Variants in SS18L1 observed in about 807,000 individuals in gnomAD.
The protein encoded by SS18L1 is calcium-responsive transactivator.
In SS18L1, 32 loss-of-function variants were observed where a neutral mutation model predicts 70.3. The ratio of observed to expected loss-of-function variants is 0.46; its 90% CI spans 0.34 to 0.61. The LOEUF is 0.61. SS18L1 is among the 20% of genes least tolerant of loss of function. The pLI is 0.01. For synonymous variants in SS18L1, 237 were observed against 229.7 expected (o/e 1.03, Z -0.29); for missense variants, 430 against 542.1 (o/e 0.79, Z 2.05).
At chr20:62,155,003 G>A (rs2057197282) in intron 1 of SS18L1, among the ~76,000 whole-genome samples, 1 of 152,250 alleles carries the variant, frequency 6.6e-6, no homozygotes, top group Admixed American at 6.5e-5. Context: ...TGCCCCCTCT[G>A]TTGTTTCTAA....
chr20:62,176,233 C>T (rs1186685253), intron 10 of SS18L1, among the ~76,000 whole-genome samples: 7 of 152,200 alleles, frequency 4.6e-5, no homozygotes, highest in South Asian at 2.1e-4. Flanking sequence ...ATGAAAAGAC[C>T]GTGACCGGTC....
At chr20:62,169,589 G>GA in intron 8 of SS18L1, among the ~76,000 whole-genome samples, 1 of 152,162 alleles carries the variant, frequency 6.6e-6, no homozygotes, top group East Asian at 1.9e-4. Flanking sequence ...GACTAGCCTG[G>GA]CCACCATGGT....
Position 62,174,390 on chromosome 20 carries a change from G to A in SS18L1, c.1037-127G>A. The stretch of plus-strand genomic sequence containing the variant: ...CCAGGTGTTCTGGAGATTGACAAAA[G>A]GCTGATGCATTGAGACGGGAATTTT... On this transcript the variant is annotated intron_variant, in intron 9 of 10. Coordinates refer to ENST00000331758, the MANE Select transcript of SS18L1 (RefSeq NM_198935.3). The surrounding 1 kb of genome is among the most constrained non-coding windows in gnomAD (Gnocchi z 4.1). The A allele has an allele frequency of 1.4e-6, 2 of 1,440,846 alleles. No individual in the cohort carries two copies. Among genetic ancestry groups the A allele is most frequent in the East Asian group, 2.5e-5 (1 of 40,202 alleles). 89.3% of individuals were successfully genotyped at this position (1,440,846 alleles called of 1,614,324 possible). A position where few individuals can be genotyped will look rare whatever the true frequency, so the allele number is the denominator to read the frequency against.
intron 1 of SS18L1, among the ~76,000 whole-genome samples, chr20:62,147,521 A>G (rs1600984532): frequency 6.6e-6 from 1 of 152,144 alleles, no homozygotes; most frequent in East Asian, 1.9e-4. Flanking sequence ...GCTGCTTGGC[A>G]TGCAGTAATT....
intron 8 of SS18L1, among the ~76,000 whole-genome samples, chr20:62,166,245 G>T (rs2057428409): frequency 6.6e-6 from 1 of 152,228 alleles, no homozygotes; most frequent in Non-Finnish European, 1.5e-5. Flanking sequence ...GGGAGGGAAG[G>T]CGGGCCTGCA....
At chr20:62,160,329 A>AGGTGG (rs1187820467) in intron 3 of SS18L1, among the ~76,000 whole-genome samples, 1 of 41,156 alleles carries the variant, frequency 2.4e-5, no homozygotes, top group Non-Finnish European at 4.2e-5. Flanking sequence ...AGGTGGAGAG[A>AGGTGG]GGTGGGGTGG....
chr20:62,146,604 C>CTTTTTTTTTTTTTTTTTTTTTTT (rs1339898731), intron 1 of SS18L1, among the ~76,000 whole-genome samples: 16 of 34,134 alleles, frequency 4.7e-4, no homozygotes, highest in African/African-American at 1.5e-3. Context: ...CTGCTTTGAT[C>CTTTTTTTTTTTTTTTTTTTTTTT]ATTTTTTTTT....
intron 1 of SS18L1, 80 bp downstream of exon 1, chr20:62,143,969 G>A (rs1430589673): frequency 2.0e-5 from 18 of 880,242 alleles, no homozygotes; most frequent in South Asian, 5.0e-5. Flanking sequence ...GGCAGCTGGC[G>A]GGCGCGGGGC....
Position 62,163,541 on chromosome 20 carries a change from A to G in SS18L1, c.640A>G (p.Ile214Val), listed in dbSNP as rs934470873. Residue 214 changes from isoleucine to valine, a missense_variant, in exon 6 of 11, where the codon ATC becomes GTC. Physicochemically the swap from Ile to Val is conservative, Grantham distance 29 (BLOSUM62 3). Coordinates refer to ENST00000331758, the MANE Select transcript of SS18L1 (RefSeq NM_198935.3). ...GSQHYQGQSS[I>V]AMMGQGSQGS... ...CCAGCACTACCAGGGCCAGTCGTCCATCGCCATGATGGGGCAGGGCAGCCA... is the reference window on the plus strand; with the variant it reads ...CCAGCACTACCAGGGCCAGTCGTCCGTCGCCATGATGGGGCAGGGCAGCCA... The G allele has an allele frequency of 5.0e-6, 8 of 1,611,534 alleles. No homozygotes were observed. The highest frequency in any genetic ancestry group is 3.3e-5 in the Admixed American group (2 of 59,984).
Position 62,181,201 on chromosome 20 carries a change from C to G in SS18L1, c.*1993C>G. ...TTGTAGGCACTAAGGGTTTCTAAAA[C>G]CCTTAACACTGGTAAGGGCTCAAAA... is the stretch of plus-strand genomic sequence containing the variant. On this transcript the variant is annotated 3_prime_UTR_variant, in exon 11 of 11. Transcript: ENST00000331758. The G allele has an allele frequency of 5.0e-6, 1 of 199,526 alleles. No homozygotes were observed. Among genetic ancestry groups the G allele is most frequent in the Non-Finnish European group, 1.0e-5 (1 of 96,658 alleles). 12.4% of individuals were successfully genotyped at this position (199,526 alleles called of 1,614,324 possible). A position where few individuals can be genotyped will look rare whatever the true frequency, so the allele number is the denominator to read the frequency against.
At chr20:62,178,413 A>G (rs912474508) in intron 10 of SS18L1, among the ~76,000 whole-genome samples, 1 of 150,728 alleles carries the variant, frequency 6.6e-6, no homozygotes, top group African/African-American at 2.4e-5. Context: ...TCGGCCTCCC[A>G]AAGTGCTGGG....
At chr20:62,148,087 G>C (rs952702059) in intron 1 of SS18L1, among the ~76,000 whole-genome samples, 1 of 152,206 alleles carries the variant, frequency 6.6e-6, no homozygotes, top group Non-Finnish European at 1.5e-5. Flanking sequence ...TTCCTCCTGC[G>C]ATCAGAGGCT....
rs377486890 is a variant in SS18L1 at position 62,164,209 on chromosome 20, C to T, written c.786C>T (p.Gly262=). The change falls in exon 7 of 11, where the codon GGC becomes GGT. Residue 262 remains glycine (G), a synonymous_variant. Transcript: ENST00000331758. ...YYGEQYSHSQ[G]AAEPMGQQYY... ...GCGAGCAGTACAGCCACAGCCAGGG[C>T]GCCGCGGAGCCCATGGGCCAGCAGT... 48 of 1,549,714 alleles carry T rather than the reference C, an allele frequency of 3.1e-5. No homozygotes were observed. Among genetic ancestry groups the T allele is most frequent in the South Asian group, 4.8e-5 (4 of 84,010 alleles).
intron 1 of SS18L1, among the ~76,000 whole-genome samples, chr20:62,155,619 C>T (rs142864609): frequency 1.5e-3 from 230 of 152,312 alleles, no homozygotes; most frequent in African/African-American, 5.1e-3. Flanking sequence ...TCTTTCCCTT[C>T]AGTGCCCAAG....
rs955033997 is a variant in SS18L1 at position 62,179,261 on chromosome 20, G to A, written c.*53G>A. On this transcript the variant is annotated 3_prime_UTR_variant, in exon 11 of 11. Transcript: ENST00000331758. Reference sequence around the variant, plus strand: ...GTGGTAGCGTGTTCATCCAGGGGCCGGATGGGCTGGCGGCAGCTCTGGTGA... The same window carrying A: ...GTGGTAGCGTGTTCATCCAGGGGCCAGATGGGCTGGCGGCAGCTCTGGTGA... 3.2e-5 allele frequency: 51 copies of A among 1,606,422 alleles called. No homozygotes were observed. The highest frequency in any genetic ancestry group is 1.8e-4 in the Admixed American group (11 of 59,936).
intron 1 of SS18L1, among the ~76,000 whole-genome samples, chr20:62,155,025 T>C (rs892808243): frequency 6.6e-6 from 1 of 152,218 alleles, no homozygotes; most frequent in African/African-American, 2.4e-5. Context: ...TGGCATCATC[T>C]TCTTTTCTGG....
In SS18L1 at chr20:62,151,584, G is replaced by C. The variant is rs192734307; in HGVS notation, c.70-7088G>C. On this transcript the variant is annotated intron_variant, in intron 1 of 10. Transcript: ENST00000331758. Reference sequence around the variant, plus strand: ...CCCAGCTGCCCCAGCCACGAGCCCAGCCAAGCCCAGCAGAAGATCCTCCGA... The same window carrying C: ...CCCAGCTGCCCCAGCCACGAGCCCACCCAAGCCCAGCAGAAGATCCTCCGA... 3.6e-3 allele frequency among the ~76,000 whole-genome samples: 552 copies of C among 152,314 alleles called. 4 individuals are homozygous for C. The highest frequency in any genetic ancestry group is 5.8e-3 in the Non-Finnish European group (396 of 68,034).
Position 62,163,506 on chromosome 20 carries a change from A to C in SS18L1, c.605A>C (p.Gln202Pro), listed in dbSNP as rs949988077. The C allele has an allele frequency of 1.2e-6, 2 of 1,611,982 alleles. No individual in the cohort carries two copies. Among genetic ancestry groups the C allele is most frequent in the Admixed American group, 1.7e-5 (1 of 59,986 alleles). ...GCCACGTCGCACTACAGCTCGGCGC[A>C]GGGCGGCAGCCAGCACTACCAGGGC... is the stretch of plus-strand genomic sequence containing the variant. ...QAATSHYSSA[Q>P]GGSQHYQGQS... The change falls in exon 6 of 11, where the codon CAG becomes CCG. Residue 202 changes from glutamine to proline, a missense_variant. Coordinates refer to ENST00000331758, the MANE Select transcript of SS18L1 (RefSeq NM_198935.3).
Position 62,163,494 on chromosome 20 carries a change from A to G in SS18L1, c.593A>G (p.Tyr198Cys). Residue 198 changes from tyrosine (Y) to cysteine (C), a missense_variant, in exon 6 of 11, where the codon TAC becomes TGC. Coordinates refer to ENST00000331758, the MANE Select transcript of SS18L1 (RefSeq NM_198935.3). The stretch of plus-strand genomic sequence containing the variant: ...CAGCAGCAGGCGGCCACGTCGCACT[A>G]CAGCTCGGCGCAGGGCGGCAGCCAG... ...MMQQQAATSH[Y>C]SSAQGGSQHY... 1 of 1,612,216 alleles carries G rather than the reference A, an allele frequency of 6.2e-7. No homozygotes were observed. Among genetic ancestry groups the G allele is most frequent in the Non-Finnish European group, 8.5e-7 (1 of 1,179,842 alleles).
Sources: gnomAD v4.1 joint callset for allele counts (sites outside exome capture counted in the v4.1 genomes callset) on GRCh38, gnomAD v4.1.1 for gene constraint, Gnocchi (gnomAD v3.1) non-coding constraint, MANE v1.5 for transcripts, NCBI Gene and HGNC (gene_info 2026-07-23, HGNC 2026-07-21) for gene names.